Variants in GPC5 observed in about 807,000 individuals in gnomAD.
The protein encoded by GPC5 is glypican 5.
A neutral mutation model predicts 53.9 loss-of-function variants in GPC5; 47 were observed. That is an observed-to-expected ratio of 0.87 (90% CI 0.69 to 1.11). The LOEUF (loss-of-function observed/expected upper bound fraction) is 1.11, where lower values mean the gene tolerates loss of function less well. Ranked by LOEUF, GPC5 falls within the 50% of genes most tolerant of loss-of-function variation. The pLI is 0.00. For missense variants in GPC5, 748 were observed against 713.1 expected, an observed-to-expected ratio of 1.05 and a Z score of -0.56; for synonymous variants, 286 against 263.3, an observed-to-expected ratio of 1.09 and a Z score of -0.84.
intron 7 of GPC5, among the ~76,000 whole-genome samples, chr13:92,844,402 A>G (rs1878531684): frequency 6.6e-6 from 1 of 152,176 alleles, no homozygotes; most frequent in Non-Finnish European, 1.5e-5. Context: ...CTGCAAGTAC[A>G]GAATGTGAGA....
rs552638069 is a variant in GPC5, at chr13:92,487,602, A to G, written c.1561+342613A>G. Among the ~76,000 whole-genome samples, 31 of 152,296 alleles carry G rather than the reference A, an allele frequency of 2.0e-4. No homozygotes were observed. In the South Asian group the frequency reaches 6.0e-3, roughly 30 times the overall value. On this transcript the variant is annotated intron_variant, in intron 7 of 7. Transcript: ENST00000377067. ...ATCCCAGAGAGCAATGATTTTTATC[A>G]TTGAACAGTGGAAGTGTTTATTTCC...
chr13:92,269,547 A>G (rs1340675867), intron 7 of GPC5, among the ~76,000 whole-genome samples: 4 of 152,140 alleles, frequency 2.6e-5, no homozygotes, highest in Non-Finnish European at 5.9e-5. Context: ...CTGGGACTAC[A>G]GGCATCTGCC....
intron 7 of GPC5, among the ~76,000 whole-genome samples, chr13:92,364,599 A>G (rs1457027688): frequency 6.6e-6 from 1 of 151,574 alleles, no homozygotes; most frequent in East Asian, 1.9e-4. Flanking sequence ...GCGTGGTGGC[A>G]AGAACCTGTA....
At chr13:91,431,158 T>G (rs1274368103) in intron 1 of GPC5, among the ~76,000 whole-genome samples, 6 of 152,112 alleles carry the variant, frequency 3.9e-5, no homozygotes, top group Non-Finnish European at 8.8e-5. Flanking sequence ...GGATTACAGG[T>G]ATGAGCCACT....
intron 7 of GPC5, among the ~76,000 whole-genome samples, chr13:92,270,030 G>A (rs1325672496): frequency 6.6e-6 from 1 of 152,108 alleles, no homozygotes; most frequent in Non-Finnish European, 1.5e-5. Context: ...AAGCTCACAT[G>A]GGAACTGTGG....
intron 6 of GPC5, among the ~76,000 whole-genome samples, chr13:92,006,094 T>C (rs1353718660): frequency 6.6e-6 from 1 of 152,202 alleles, no homozygotes; most frequent in Non-Finnish European, 1.5e-5. Flanking sequence ...AGTTATACCA[T>C]AAAAAGTATC....
intron 5 of GPC5, among the ~76,000 whole-genome samples, chr13:91,767,585 T>A (rs1032114517): frequency 2.0e-5 from 3 of 152,184 alleles, no homozygotes; most frequent in African/African-American, 7.2e-5. Flanking sequence ...CATCTCCCTT[T>A]ATCCACTGAG....
intron 7 of GPC5, among the ~76,000 whole-genome samples, chr13:92,825,362 A>T (rs1846033780): frequency 6.6e-6 from 1 of 152,158 alleles, no homozygotes; most frequent in Admixed American, 6.6e-5. Context: ...CAATGCAAAG[A>T]TACCTATAAT....
intron 6 of GPC5, among the ~76,000 whole-genome samples, chr13:91,921,563 A>C (rs1294143387): frequency 6.6e-6 from 1 of 152,194 alleles, no homozygotes; most frequent in Non-Finnish European, 1.5e-5. Context: ...ACAGGATATC[A>C]AAAAGATTTC....
chr13:92,545,493 AC>A (rs1196050953), intron 7 of GPC5, among the ~76,000 whole-genome samples: 2 of 152,192 alleles, frequency 1.3e-5, no homozygotes, highest in African/African-American at 4.8e-5. Context: ...AGGAATCACC[AC>A]ACTGACTTCC....
chr13:91,970,713 A>G (rs2040233613), intron 6 of GPC5, among the ~76,000 whole-genome samples: 3 of 152,170 alleles, frequency 2.0e-5, no homozygotes, highest in Admixed American at 2.0e-4. Context: ...TTCTGCATCT[A>G]TTGAGATAAT....
chr13:92,788,519 C>A (rs1174332448), intron 7 of GPC5, among the ~76,000 whole-genome samples: 1 of 152,126 alleles, frequency 6.6e-6, no homozygotes, highest in African/African-American at 2.4e-5. Flanking sequence ...TTATTAAGTA[C>A]TTAAAATCTA....
chr13:92,660,416 T>C (rs1200017570), intron 7 of GPC5, among the ~76,000 whole-genome samples: 1 of 151,812 alleles, frequency 6.6e-6, no homozygotes, highest in Non-Finnish European at 1.5e-5. Flanking sequence ...AAGAGGTGTA[T>C]GTATATATGT....
chr13:92,424,425 A>G (rs1372572491), intron 7 of GPC5, among the ~76,000 whole-genome samples: 2 of 152,070 alleles, frequency 1.3e-5, no homozygotes, highest in Non-Finnish European at 2.9e-5. Flanking sequence ...ATGACAGACA[A>G]TATTTATTTT....
chr13:92,756,277 A>G (rs1468965598), intron 7 of GPC5, among the ~76,000 whole-genome samples: 2 of 152,144 alleles, frequency 1.3e-5, no homozygotes, highest in Non-Finnish European at 2.9e-5. Flanking sequence ...ACAAAATTCA[A>G]CAACCCTTCA....
At chr13:91,697,046 G>C (rs1417591003) in intron 3 of GPC5, among the ~76,000 whole-genome samples, 1 of 152,156 alleles carries the variant, frequency 6.6e-6, no homozygotes, top group Non-Finnish European at 1.5e-5. Context: ...AGAATAAAAT[G>C]AACTTACACA....
chr13:91,961,485 GTGTAAATACGTGTAAAC>G (rs1033769899), intron 6 of GPC5, among the ~76,000 whole-genome samples: 2 of 151,864 alleles, frequency 1.3e-5, no homozygotes, highest in Non-Finnish European at 2.9e-5. Flanking sequence ...GGCATTAAGA[GTGTAAATACGTGTAAAC>G]TTATGATTTC....
intron 2 of GPC5, among the ~76,000 whole-genome samples, chr13:91,640,798 G>GA (rs528053266): frequency 0.057 from 7,544 of 132,194 alleles, 231 homozygotes; most frequent in African/African-American, 0.082. Flanking sequence ...GACTCCTCAG[G>GA]AAAAAAAAAA....
At chr13:92,651,671 A>C (rs931146218) in intron 7 of GPC5, among the ~76,000 whole-genome samples, 1 of 152,180 alleles carries the variant, frequency 6.6e-6, no homozygotes, top group East Asian at 1.9e-4. Flanking sequence ...TAATATATCA[A>C]TATTGATTCA....
Sources: allele counts gnomAD v4.1 joint callset (sites outside exome capture counted in the v4.1 genomes callset), GRCh38; gene constraint gnomAD v4.1.1; transcripts MANE v1.5; gene names NCBI Gene and HGNC (gene_info 2026-07-23, HGNC 2026-07-21).